AGPS: variants seen among roughly 807,000 people sequenced by gnomAD.
The protein encoded by AGPS is alkyldihydroxyacetonephosphate synthase, peroxisomal.
A neutral mutation model predicts 90.7 loss-of-function variants in AGPS; 26 were observed. That is an observed-to-expected ratio of 0.29 (90% CI 0.21 to 0.40). The LOEUF is 0.40. Ranked by LOEUF, AGPS falls within the 10% of genes least tolerant of loss-of-function variation. The pLI, the probability that AGPS is intolerant of heterozygous loss-of-function variation, is 1.00. For synonymous variants in AGPS, 294 were observed against 285.3 expected (o/e 1.03, Z -0.31); for missense variants, 540 against 816.1 (o/e 0.66, Z 4.12).
chr2:177,410,683 G>A (rs1372892028), intron 1 of AGPS, among the ~76,000 whole-genome samples: 5 of 152,288 alleles, frequency 3.3e-5, no homozygotes, highest in African/African-American at 1.2e-4. Context: ...AGTTGTCCGG[G>A]ACAGGGAGAG....
intron 17 of AGPS, among the ~76,000 whole-genome samples, chr2:177,516,321 G>A (rs1689022062): frequency 6.6e-6 from 1 of 151,968 alleles, no homozygotes; most frequent in African/African-American, 2.4e-5. Context: ...ACGTTATATG[G>A]GAAGTAATTG....
chr2:177,484,010 GTTT>G (rs5836609), intron 11 of AGPS, among the ~76,000 whole-genome samples: 30 of 145,042 alleles, frequency 2.1e-4, no homozygotes, highest in East Asian at 4.0e-4. Context: ...AAGCTAGGGT[GTTT>G]TTTTTTTTTT....
chr2:177,538,440 A>G lies in AGPS; in HGVS notation c.*245A>G, dbSNP rs2079203125. 2 of 497,228 alleles carry G rather than the reference A, an allele frequency of 4.0e-6. No individual in the cohort carries two copies. Among genetic ancestry groups the G allele is most frequent in the African/African-American group, 1.9e-5 (1 of 51,382 alleles). The allele number at this position is 497,228 out of a possible 1,614,324, so 30.8% of individuals were successfully genotyped here. On this transcript the variant is annotated 3_prime_UTR_variant, in exon 20 of 20. Coordinates refer to ENST00000264167, the MANE Select transcript of AGPS (RefSeq NM_003659.4). ...TTCAGCGGTTGTCATTTCAAATTTT[A>G]GTCAGGCAGCACAAAGCTGTCAATT...
rs778087162 is a variant in AGPS at position 177,392,937 on chromosome 2, C to A, written c.148C>A (p.Arg50=). The A allele has an allele frequency of 6.5e-7, 1 of 1,550,102 alleles. No individual in the cohort carries two copies. The highest frequency in any genetic ancestry group is 1.2e-5 in the South Asian group (1 of 84,064). The stretch of plus-strand genomic sequence containing the variant: ...CTCTGGCCATCTGCTGGGCCGGCCC[C>A]GGGAGGCTCTGAGTACCAATGAGTG... ...VLSGHLLGRP[R]EALSTNECKA... is the part of the protein sequence containing the mutation. The change falls in exon 1 of 20, where the codon CGG becomes AGG. Residue 50 remains arginine (R), a synonymous_variant. Transcript: ENST00000264167.
intron 12 of AGPS, among the ~76,000 whole-genome samples, chr2:177,495,745 T>TA (rs375905234): frequency 0.22 from 30,501 of 140,078 alleles, 5,073 homozygotes; most frequent in African/African-American, 0.46. Flanking sequence ...CTGTCTCTAC[T>TA]AAAAAAAAAA....
intron 2 of AGPS, among the ~76,000 whole-genome samples, 168 bp from the exon 3 acceptor site, chr2:177,434,159 C>G (rs1286516584): frequency 6.6e-6 from 1 of 152,080 alleles, no homozygotes; most frequent in African/African-American, 2.4e-5. Context: ...TCTATACTGC[C>G]TTTAGATAGC....
intron 8 of AGPS, among the ~76,000 whole-genome samples, chr2:177,453,690 ATTTTTTTT>A (rs11401105): frequency 2.2e-5 from 2 of 90,520 alleles, no homozygotes; most frequent in Admixed American, 1.6e-4. Flanking sequence ...ATCAGTAGTA[ATTTTTTTT>A]TTTTTTTTTT....
At chr2:177,457,975 A>C (rs574246955) in intron 8 of AGPS, among the ~76,000 whole-genome samples, 124 of 152,356 alleles carry the variant, frequency 8.1e-4, no homozygotes, top group South Asian at 1.7e-3. Flanking sequence ...GCAGCACATC[A>C]AAAAGCTTAT....
intron 11 of AGPS, among the ~76,000 whole-genome samples, chr2:177,489,269 C>T (rs990388559): frequency 2.0e-5 from 3 of 151,410 alleles, no homozygotes; most frequent in Non-Finnish European, 4.4e-5. Context: ...TATTTTTAGT[C>T]GAGACAGGAT....
At chr2:177,506,789 A>G (rs1688728823) in intron 15 of AGPS, among the ~76,000 whole-genome samples, 1 of 151,816 alleles carries the variant, frequency 6.6e-6, no homozygotes, top group Non-Finnish European at 1.5e-5. Context: ...AATAATATCT[A>G]CAATTATCAA....
In AGPS at chr2:177,418,456, C is replaced by G. The variant is rs79363846; in HGVS notation, c.261-1813C>G. ...TACATAAACATGCCAGATTCAACCTCTGTACTGAAATGATTTCCTTGTGCC... is the reference window on the plus strand; with the variant it reads ...TACATAAACATGCCAGATTCAACCTGTGTACTGAAATGATTTCCTTGTGCC... On this transcript the variant is annotated intron_variant, in intron 1 of 19. Transcript: ENST00000264167. Among the ~76,000 whole-genome samples, 1,163 of 152,112 alleles carry G rather than the reference C, an allele frequency of 7.6e-3. 10 individuals are homozygous for G. The highest frequency in any genetic ancestry group is 0.012 in the Admixed American group (177 of 15,288).
In AGPS at chr2:177,393,104, C is replaced by G. The variant is rs573195126; in HGVS notation, c.260+55C>G. The G allele has an allele frequency of 3.5e-4, 543 of 1,550,092 alleles. 5 individuals carry two copies. In the South Asian group the frequency reaches 6.1e-3, roughly 18 times the overall value. ...GTCGAGGGACCAGGCCGGGCCTGTG[C>G]TGCAGGAGGGCACAGGCGAGGTGGG... On this transcript the variant is annotated intron_variant, in intron 1 of 19. Transcript: ENST00000264167.
At chr2:177,448,836 C>A (rs78619963) in intron 8 of AGPS, among the ~76,000 whole-genome samples, 15,849 of 152,166 alleles carry the variant, frequency 0.1, 1,159 homozygotes, top group East Asian at 0.34. Flanking sequence ...TTTCCCACTC[C>A]CACCCACAAC....
At chr2:177,495,163 GT>G (rs1302823945) in intron 12 of AGPS, among the ~76,000 whole-genome samples, 1 of 151,984 alleles carries the variant, frequency 6.6e-6, no homozygotes, top group Non-Finnish European at 1.5e-5. Context: ...ATAAACCAAA[GT>G]TTCTCGAATT....
At chr2:177,457,307 A>C (rs951086970) in intron 8 of AGPS, among the ~76,000 whole-genome samples, 1 of 152,110 alleles carries the variant, frequency 6.6e-6, no homozygotes, top group African/African-American at 2.4e-5. Flanking sequence ...GCAAATTCAA[A>C]CACTAGCAGA....
chr2:177,493,800 T>G (rs1250500984), intron 12 of AGPS, among the ~76,000 whole-genome samples: 1 of 152,096 alleles, frequency 6.6e-6, no homozygotes, highest in Non-Finnish European at 1.5e-5. Context: ...GCAGGATAGA[T>G]TAGAAGGGTA....
intron 19 of AGPS, among the ~76,000 whole-genome samples, chr2:177,529,905 G>C (rs2079121982): frequency 6.6e-6 from 1 of 152,162 alleles, no homozygotes; most frequent in African/African-American, 2.4e-5. Context: ...CCTGCAAAAT[G>C]GGAATAATGG....
At chr2:177,448,812 CTCCTTTATAA>C (rs1553511441) in intron 8 of AGPS, among the ~76,000 whole-genome samples, 2 of 152,156 alleles carry the variant, frequency 1.3e-5, no homozygotes, top group Non-Finnish European at 2.9e-5. Context: ...TTTCCTCTTT[CTCCTTTATAA>C]TCCTTTCCCA....
At chr2:177,514,712 G>A (rs529543752) in intron 17 of AGPS, among the ~76,000 whole-genome samples, 10 of 152,034 alleles carry the variant, frequency 6.6e-5, no homozygotes, top group Non-Finnish European at 1.2e-4. Context: ...CTAGTGTTGT[G>A]TTTCTTAGTT....
Sources: gnomAD v4.1 joint callset for allele counts (sites outside exome capture counted in the v4.1 genomes callset) on GRCh38, gnomAD v4.1.1 for gene constraint, MANE v1.5 for transcripts, NCBI Gene and HGNC (gene_info 2026-07-23, HGNC 2026-07-21) for gene names.